The following ADGRL2 variants were observed in gnomAD, a reference collection of about 807,000 sequenced individuals.
ADGRL2 encodes adhesion G protein-coupled receptor L2, also known as calcium-independent alpha-latrotoxin receptor 2.
Under a neutral mutation model 157.4 loss-of-function variants are expected in ADGRL2, and 44 were observed. That is an observed-to-expected ratio of 0.28 (90% CI 0.22 to 0.36). The LOEUF is 0.36. Among genes scored for constraint, ADGRL2 ranks in the 10% least tolerant of loss-of-function variants. The probability of loss-of-function intolerance (pLI) is 1.00; values close to 1 mark genes in which losing one functional copy is unlikely to be tolerated. For missense variants in ADGRL2, 1,510 were observed against 1,768.9 expected, an observed-to-expected ratio of 0.85 and a Z score of 2.63; for synonymous variants, 585 against 624.7, an observed-to-expected ratio of 0.94 and a Z score of 0.95.
chr1:81,989,608 A>G, intron 23 of ADGRL2: 1 of 1,560,904 alleles, frequency 6.4e-7, no homozygotes, highest in Non-Finnish European at 8.8e-7. Context: ...AAGCTTAGAA[A>G]TTCTTCATCA....
chr1:81,351,456 A>G (rs544201450), intron 1 of ADGRL2, among the ~76,000 whole-genome samples: 12 of 152,292 alleles, frequency 7.9e-5, no homozygotes, highest in Non-Finnish European at 1.5e-4. Context: ...TCTTACATGT[A>G]TTATGACAAG....
intron 1 of ADGRL2, among the ~76,000 whole-genome samples, chr1:81,410,898 G>A (rs1364597088): frequency 6.6e-6 from 1 of 152,164 alleles, no homozygotes; most frequent in Non-Finnish European, 1.5e-5. Context: ...GTCTTTTAAA[G>A]CGTATATTAA....
Position 81,991,116 on chromosome 1 carries a change from G to A in ADGRL2, c.4381G>A (p.Gly1461Arg). 6.2e-7 allele frequency: 1 copy of A among 1,607,884 alleles called. No individual in the cohort carries two copies. The highest frequency in any genetic ancestry group is 8.5e-7 in the Non-Finnish European group (1 of 1,175,862). The part of the protein sequence containing the change: ...GCIPEGDVRE[G>R]QMQLVTSL ...TATTCCAGAAGGAGATGTTAGAGAA[G>A]GACAAATGCAGCTGGTTACAAGTCT... Residue 1461 changes from glycine (G) to arginine (R), a missense_variant, in exon 24 of 24, where the codon GGA becomes AGA. Around this residue, in one of 4 missense-constraint regions of ADGRL2, gnomAD observed 327 missense variants for 310.1 expected, o/e 1.05. Transcript: ENST00000686636.
intron 3 of ADGRL2, among the ~76,000 whole-genome samples, chr1:81,667,029 C>T (rs1448994589): frequency 6.6e-6 from 1 of 152,170 alleles, no homozygotes; most frequent in Non-Finnish European, 1.5e-5. Context: ...ATAGTGCACA[C>T]ACTGAACTCA....
At chr1:81,406,853 A>G (rs2076863097) in intron 1 of ADGRL2, among the ~76,000 whole-genome samples, 1 of 152,190 alleles carries the variant, frequency 6.6e-6, no homozygotes, top group Non-Finnish European at 1.5e-5. Context: ...CTCTAGGCAA[A>G]TGCTGCAGAA....
intron 1 of ADGRL2, among the ~76,000 whole-genome samples, chr1:81,362,976 G>C (rs1294920279): frequency 1.3e-5 from 2 of 151,850 alleles, no homozygotes; most frequent in East Asian, 3.9e-4. Context: ...GATTATGACA[G>C]ATACACATGT....
intron 1 of ADGRL2, among the ~76,000 whole-genome samples, chr1:81,728,462 A>G (rs879354647): frequency 2.4e-4 from 37 of 152,236 alleles, no homozygotes; most frequent in Non-Finnish European, 4.3e-4. Context: ...AGAAACCTAG[A>G]TAACTGTGAT....
chr1:81,597,324 A>G (rs779710596), intron 3 of ADGRL2, among the ~76,000 whole-genome samples: 1 of 152,296 alleles, frequency 6.6e-6, no homozygotes, highest in South Asian at 2.1e-4. Context: ...CTTACCACCA[A>G]TGAATTATAT....
chr1:81,428,335 TAAAAA>T (rs57763882), intron 1 of ADGRL2, among the ~76,000 whole-genome samples: 1 of 146,638 alleles, frequency 6.8e-6, no homozygotes, highest in Non-Finnish European at 1.5e-5. Context: ...ATCTCAAAAT[TAAAAA>T]AAAAAAGAAA....
intron 1 of ADGRL2, among the ~76,000 whole-genome samples, chr1:81,744,824 T>C (rs1347264550): frequency 6.6e-6 from 1 of 152,206 alleles, no homozygotes; most frequent in Non-Finnish European, 1.5e-5. Context: ...AAATTGCCTC[T>C]ATTTCCAGCT....
intron 2 of ADGRL2, among the ~76,000 whole-genome samples, chr1:81,870,092 G>T (rs746539089): frequency 6.6e-6 from 1 of 151,962 alleles, no homozygotes; most frequent in South Asian, 2.1e-4. Context: ...ACATATTAGC[G>T]TATGTATCTG....
chr1:81,529,676 C>T (rs973454342), intron 2 of ADGRL2, among the ~76,000 whole-genome samples: 1 of 152,164 alleles, frequency 6.6e-6, no homozygotes, highest in Admixed American at 6.5e-5. Context: ...ATGCGGACCC[C>T]ATGGATGGGG....
At chr1:81,701,001 G>T (rs549505979) in intron 1 of ADGRL2, among the ~76,000 whole-genome samples, 41 of 152,314 alleles carry the variant, frequency 2.7e-4, no homozygotes, top group African/African-American at 9.6e-4. Context: ...TCAAATACTT[G>T]CACTTGCTCA....
chr1:81,922,292 A>T (rs1294034248), intron 3 of ADGRL2, among the ~76,000 whole-genome samples: 1 of 152,138 alleles, frequency 6.6e-6, no homozygotes, highest in East Asian at 1.9e-4. Context: ...AACATGGAGC[A>T]TGTTCGCCAG....
At chr1:81,311,217 T>A (rs1201448679) in intron 1 of ADGRL2, among the ~76,000 whole-genome samples, 2 of 152,230 alleles carry the variant, frequency 1.3e-5, no homozygotes, top group Non-Finnish European at 2.9e-5. Flanking sequence ...TTAGATAAGA[T>A]GTACCAGGAT....
chr1:81,522,090 G>A (rs1233411764), intron 2 of ADGRL2, among the ~76,000 whole-genome samples: 1 of 151,132 alleles, frequency 6.6e-6, no homozygotes, highest in Non-Finnish European at 1.5e-5. Flanking sequence ...TCAGCCTCTT[G>A]GGTAGCTGGG....
At chr1:81,970,607 G>GACCC in intron 16 of ADGRL2, 73 bp downstream of exon 16, 13 of 1,047,262 alleles carry the variant, frequency 1.2e-5, no homozygotes, top group Non-Finnish European at 1.9e-5. Flanking sequence ...GTCAGTGAGG[G>GACCC]TCCCTGACAG....
At chr1:81,327,168 T>G (rs1236752380) in intron 1 of ADGRL2, among the ~76,000 whole-genome samples, 1 of 152,168 alleles carries the variant, frequency 6.6e-6, no homozygotes, top group East Asian at 1.9e-4. Context: ...ATCGATGTTT[T>G]ATGCATTTCA....
chr1:81,734,014 C>T (rs535050772), intron 1 of ADGRL2, among the ~76,000 whole-genome samples: 30 of 152,262 alleles, frequency 2.0e-4, no homozygotes, highest in Middle Eastern at 6.8e-3. Flanking sequence ...CAGTGGCTCA[C>T]ACCTGTAATC....
Sources: allele counts gnomAD v4.1 joint callset (sites outside exome capture counted in the v4.1 genomes callset), GRCh38; gene constraint gnomAD v4.1.1; regional missense constraint gnomAD v4.1.1; transcripts MANE v1.5; gene names NCBI Gene and HGNC (gene_info 2026-07-23, HGNC 2026-07-21).